The following L2HGDH variants were observed in gnomAD, a reference collection of about 807,000 sequenced individuals.
L2HGDH encodes L-2-hydroxyglutarate dehydrogenase.
Under a neutral mutation model 51.5 loss-of-function variants are expected in L2HGDH, and 34 were observed. The observed-to-expected ratio is 0.66, with a 90% CI of 0.50 to 0.88. The LOEUF (loss-of-function observed/expected upper bound fraction) is 0.88. Among genes scored for constraint, L2HGDH ranks in the 40% least tolerant of loss-of-function variants. L2HGDH has a pLI of 0.00. For synonymous variants in L2HGDH, 198 were observed against 197.9 expected, an observed-to-expected ratio of 1.00 and a Z score of -0.01; for missense variants, 558 against 571.9, an observed-to-expected ratio of 0.98 and a Z score of 0.25.
intron 1 of L2HGDH, among the ~76,000 whole-genome samples, chr14:50,304,684 A>G (rs1043719887): frequency 6.6e-6 from 1 of 152,020 alleles, no homozygotes; most frequent in African/African-American, 2.4e-5. Context: ...AAATACAAAA[A>G]ATTAGCCAGG....
At chr14:50,247,901 T>C (rs1342252204) in intron 9 of L2HGDH, among the ~76,000 whole-genome samples, 2 of 152,152 alleles carry the variant, frequency 1.3e-5, no homozygotes, top group African/African-American at 2.4e-5. Flanking sequence ...AGTCTTTTTT[T>C]TTTTAATTGA....
intron 6 of L2HGDH, among the ~76,000 whole-genome samples, chr14:50,276,965 A>T (rs1890009155): frequency 6.6e-6 from 1 of 152,230 alleles, no homozygotes; most frequent in African/African-American, 2.4e-5. Flanking sequence ...ACCAAATCCC[A>T]GTAGCTGTGT....
intron 4 of L2HGDH, 35 bp from the exon 5 acceptor site, chr14:50,284,068 G>C: frequency 6.3e-7 from 1 of 1,580,942 alleles, no homozygotes; most frequent in Non-Finnish European, 8.7e-7. Flanking sequence ...ACAGATAAGA[G>C]AAATAATACT....
chr14:50,263,334 C>T (rs774904959), intron 9 of L2HGDH, among the ~76,000 whole-genome samples: 2 of 152,178 alleles, frequency 1.3e-5, no homozygotes, highest in East Asian at 1.9e-4. Flanking sequence ...TTTATCCCTT[C>T]TATTTCAGAA....
chr14:50,293,242 A>G (rs2029870549), intron 4 of L2HGDH: 1 of 702,366 alleles, frequency 1.4e-6, no homozygotes, highest in Admixed American at 2.0e-5. Flanking sequence ...ACAGTGGGAA[A>G]ATAATGGTTT....
intron 1 of L2HGDH, among the ~76,000 whole-genome samples, chr14:50,305,820 C>G (rs892515628): frequency 6.6e-6 from 1 of 152,042 alleles, no homozygotes; most frequent in Non-Finnish European, 1.5e-5. Context: ...GTCTTGTATA[C>G]GAAATGGCAC....
In L2HGDH at chr14:50,247,245, G is replaced by C. The variant is rs1324407744; in HGVS notation, c.1205C>G (p.Ala402Gly). ...ATCCAGGGCCTGGGCTCTTACTCCAGCTGGGCCCCTGCAAAAGTAAAAGAT... is the reference window on the plus strand; with the variant it reads ...ATCCAGGGCCTGGGCTCTTACTCCACCTGGGCCCCTGCAAAAGTAAAAGAT... ...ITISDILRGP[A>G]GVRAQALDRD... Residue 402 changes from alanine (A) to glycine (G), a missense_variant, in exon 10 of 10, where the codon GCT becomes GGT. Physicochemically the swap from Ala to Gly is moderately conservative, Grantham distance 60. Coordinates refer to ENST00000267436, the MANE Select transcript of L2HGDH (RefSeq NM_024884.3). 1.2e-6 allele frequency: 2 copies of C among 1,613,186 alleles called. No individual in the cohort carries two copies. Among genetic ancestry groups the C allele is most frequent in the Middle Eastern group, 1.7e-4 (1 of 6,060 alleles).
At chr14:50,265,236 C>A in intron 9 of L2HGDH, 122 bp downstream of exon 9, 1 of 813,524 alleles carries the variant, frequency 1.2e-6, no homozygotes, top group East Asian at 2.6e-5. Context: ...AGAAAGCAAA[C>A]AAAAATTCAG....
intron 6 of L2HGDH, 80 bp from the exon 7 acceptor site, chr14:50,269,410 G>GA: frequency 2.3e-6 from 3 of 1,328,904 alleles, no homozygotes; most frequent in East Asian, 2.3e-5. Context: ...TGATAGAAAA[G>GA]AAAAAAAGGT....
chr14:50,255,273 G>T (rs1353693114), intron 9 of L2HGDH, among the ~76,000 whole-genome samples: 1 of 151,842 alleles, frequency 6.6e-6, no homozygotes, highest in Non-Finnish European at 1.5e-5. Flanking sequence ...GGTGGCTCCC[G>T]CCTGTAATCC....
intron 6 of L2HGDH, among the ~76,000 whole-genome samples, chr14:50,274,313 A>G (rs35059048): frequency 0.014 from 2,117 of 151,824 alleles, 47 homozygotes; most frequent in African/African-American, 0.048. Flanking sequence ...AAGGACCTGA[A>G]TATGTATTTT....
intron 3 of L2HGDH, among the ~76,000 whole-genome samples, chr14:50,301,140 T>C (rs2030385347): frequency 6.6e-6 from 1 of 152,146 alleles, no homozygotes; most frequent in African/African-American, 2.4e-5. Context: ...AAACTTCCAC[T>C]AGGATGGCTA....
intron 8 of L2HGDH, among the ~76,000 whole-genome samples, chr14:50,266,058 C>T (rs1889313455): frequency 6.6e-6 from 1 of 150,888 alleles, no homozygotes; most frequent in Non-Finnish European, 1.5e-5. Flanking sequence ...AAGTGGGAGG[C>T]TCGCTTAAGC....
chr14:50,264,654 A>G (rs1408002781), intron 9 of L2HGDH, among the ~76,000 whole-genome samples: 2 of 152,234 alleles, frequency 1.3e-5, no homozygotes, highest in Admixed American at 6.5e-5. Context: ...ACATGTTCTC[A>G]CTTATAAGTG....
chr14:50,268,419 G>A (rs2139979573), intron 7 of L2HGDH, among the ~76,000 whole-genome samples: 1 of 148,030 alleles, frequency 6.8e-6, no homozygotes, highest in Non-Finnish European at 1.5e-5. Context: ...TGATGCTACT[G>A]ACACTAATAG....
chr14:50,244,830 C>T lies in L2HGDH; in HGVS notation c.*2228G>A, dbSNP rs1887928806. The stretch of plus-strand genomic sequence containing the variant: ...TCCTTCTCACCCATCCATCATACAG[C>T]TTTGGAGAGCTAAGAGGAAAGAAGA... On this transcript the variant is annotated 3_prime_UTR_variant, in exon 10 of 10. Transcript: ENST00000267436. 1.0e-6 allele frequency: 1 copy of T among 985,400 alleles called. No individual in the cohort carries two copies. Among genetic ancestry groups the T allele is most frequent in the African/African-American group, 1.7e-5 (1 of 57,338 alleles). 61.0% of individuals were successfully genotyped at this position (985,400 alleles called of 1,614,324 possible).
chr14:50,285,009 A>T (rs1890490276), intron 4 of L2HGDH, among the ~76,000 whole-genome samples: 1 of 152,164 alleles, frequency 6.6e-6, no homozygotes, highest in Admixed American at 6.5e-5. Flanking sequence ...GCACTTTGGG[A>T]GGCTGAGGCA....
rs1459730412 is a variant in L2HGDH at position 50,244,195 on chromosome 14, C to T, written c.*2863G>A. On this transcript the variant is annotated 3_prime_UTR_variant, in exon 10 of 10. Transcript: ENST00000267436. ...TGATTTATAGTCCCTTGGGTATATA[C>T]CCAGTAATGGGATGGCTGGGTCAAA... is the stretch of plus-strand genomic sequence containing the variant. 1.3e-5 allele frequency: 2 copies of T among 159,010 alleles called. No homozygotes were observed. Among genetic ancestry groups the T allele is most frequent in the Non-Finnish European group, 2.7e-5 (2 of 74,524 alleles). The allele number at this position is 159,010 out of a possible 1,614,324, so 9.8% of individuals were successfully genotyped here.
intron 4 of L2HGDH, among the ~76,000 whole-genome samples, chr14:50,290,869 T>G (rs1429041290): frequency 2.0e-5 from 3 of 151,940 alleles, no homozygotes; most frequent in African/African-American, 7.3e-5. Flanking sequence ...ATAATGTTCT[T>G]CTTTTAATTT....
Sources: allele counts gnomAD v4.1 joint callset (sites outside exome capture counted in the v4.1 genomes callset), GRCh38; gene constraint gnomAD v4.1.1; transcripts MANE v1.5; gene names NCBI Gene and HGNC (gene_info 2026-07-23, HGNC 2026-07-21).